The following TP53BP1 variants were observed in gnomAD, a reference collection of about 807,000 sequenced individuals.
TP53BP1 encodes TP53-binding protein 1.
In TP53BP1, 61 loss-of-function variants were observed where a neutral mutation model predicts 200.8. That is an observed-to-expected ratio of 0.30 (90% CI 0.25 to 0.38). TP53BP1 has a LOEUF of 0.38. Among genes scored for constraint, TP53BP1 ranks in the 10% least tolerant of loss-of-function variants. The pLI is 1.00. For synonymous variants in TP53BP1, 822 were observed against 844.3 expected, an observed-to-expected ratio of 0.97 and a Z score of 0.46; for missense variants, 2,144 against 2,371.9, an observed-to-expected ratio of 0.90 and a Z score of 2.00.
rs1371583973 is a variant in TP53BP1 at position 43,406,924 on chromosome 15, T to TTAAC, written c.*455_*458dup. The TTAAC allele has an allele frequency of 4.1e-5, 10 of 242,926 alleles. 1 individual carries two copies. Among genetic ancestry groups the TTAAC allele is most frequent in the Non-Finnish European group, 7.3e-5 (9 of 122,500 alleles). 15.0% of individuals were successfully genotyped at this position (242,926 alleles called of 1,614,324 possible). On this transcript the variant is annotated 3_prime_UTR_variant, in exon 28 of 28. Coordinates refer to ENST00000382044, the MANE Select transcript of TP53BP1 (RefSeq NM_001141980.3). Reference sequence around the variant, plus strand: ...TCAGAGAGAGAGCATGAGGTCTTTTTTAACTGTCAGGAAACAGAGCTGTGC... The same window carrying TTAAC: ...TCAGAGAGAGAGCATGAGGTCTTTTTTAACTAACTGTCAGGAAACAGAGCTGTGC...
chr15:43,448,613 C>T (rs926819403), intron 12 of TP53BP1, among the ~76,000 whole-genome samples: 4 of 151,454 alleles, frequency 2.6e-5, no homozygotes, highest in African/African-American at 9.7e-5. Context: ...GATCTCGGCT[C>T]ACTGCCAGCT....
intron 1 of TP53BP1, among the ~76,000 whole-genome samples, chr15:43,505,505 T>C (rs1240396876): frequency 6.6e-6 from 1 of 152,198 alleles, no homozygotes; most frequent in African/African-American, 2.4e-5. Flanking sequence ...TTTTCGCTTT[T>C]GGGAATCACT....
chr15:43,438,497 G>A, intron 15 of TP53BP1, 81 bp from the exon 16 acceptor site: 1 of 1,171,520 alleles, frequency 8.5e-7, no homozygotes, highest in African/African-American at 1.6e-5. Context: ...ATGCACAGAG[G>A]AAATAAAATG....
rs749575788 is a variant in TP53BP1, at chr15:43,447,488, G to GAAAAAAAAAAAAAAAA, written c.2717-19_2717-4dup. ...CAAAGTGAAATGAAATGGGGTTTCT[G>GAAAAAAAAAAAAAAAA]AAAAAAAAAAAAAAAAGAAAAAAGA... is the stretch of plus-strand genomic sequence containing the variant. On this transcript the variant is annotated splice_region_variant and splice_polypyrimidine_tract_variant and intron_variant, in intron 12 of 27. Coordinates refer to ENST00000382044, the MANE Select transcript of TP53BP1 (RefSeq NM_001141980.3). 15 of 956,454 alleles carry GAAAAAAAAAAAAAAAA rather than the reference G, an allele frequency of 1.6e-5. No individual in the cohort carries two copies. The highest frequency in any genetic ancestry group is 8.7e-5 in the South Asian group (3 of 34,508). 59.2% of individuals were successfully genotyped at this position (956,454 alleles called of 1,614,324 possible). A position where few individuals can be genotyped will look rare whatever the true frequency, so the allele number is the denominator to read the frequency against.
At position 43,432,622 on chromosome 15, in the gene TP53BP1, C is replaced by G; in HGVS notation, c.3247G>C (p.Glu1083Gln). The change falls in exon 17 of 28, where the codon GAG (glutamate) becomes CAG (glutamine). Residue 1083 changes from glutamate (E) to glutamine (Q), a missense_variant. Glu to Gln is a conservative substitution (Grantham distance 29, BLOSUM62 2). Transcript: ENST00000382044. ...SQGEEEKEKL[E>Q]GDHTIRQSQQ... ...CTCTGCCTGATTGTATGGTCACCCTCCAATTTTTCTTTCTCCTCTTCTCCT... is the reference window on the plus strand; with the variant it reads ...CTCTGCCTGATTGTATGGTCACCCTGCAATTTTTCTTTCTCCTCTTCTCCT... 1 of 1,611,230 alleles carries G rather than the reference C, an allele frequency of 6.2e-7. No individual in the cohort carries two copies. Among genetic ancestry groups the G allele is most frequent in the Non-Finnish European group, 8.5e-7 (1 of 1,177,796 alleles).
Position 43,480,884 on chromosome 15 carries a change from C to A in TP53BP1, c.499+11G>T. 6.2e-7 allele frequency: 1 copy of A among 1,613,908 alleles called. No homozygotes were observed. Among genetic ancestry groups the A allele is most frequent in the Non-Finnish European group, 8.5e-7 (1 of 1,179,896 alleles). On this transcript the variant is annotated intron_variant, in intron 5 of 27. Transcript: ENST00000382044. ...GAACAGTCTATTATTCTGAAAAAAGCACAAGGCTACCTTCAGCACCAAGGG... is the reference window on the plus strand; with the variant it reads ...GAACAGTCTATTATTCTGAAAAAAGAACAAGGCTACCTTCAGCACCAAGGG...
At chr15:43,412,074 G>A (rs1242658741) in intron 24 of TP53BP1, among the ~76,000 whole-genome samples, 1 of 152,060 alleles carries the variant, frequency 6.6e-6, no homozygotes, top group Non-Finnish European at 1.5e-5. Context: ...GACAAGCTAG[G>A]TGTTGCAAAC....
At chr15:43,500,346 T>C (rs2079203193) in intron 1 of TP53BP1, among the ~76,000 whole-genome samples, 1 of 152,320 alleles carries the variant, frequency 6.6e-6, no homozygotes, top group East Asian at 1.9e-4. Flanking sequence ...TATGTACTTA[T>C]ATAATACACC....
In TP53BP1 at chr15:43,405,171, CACTT is replaced by C. The variant is rs1566906447; in HGVS notation, c.*2208_*2211del. 1.5e-5 allele frequency: 25 copies of C among 1,613,768 alleles called. No individual in the cohort carries two copies. Among genetic ancestry groups the C allele is most frequent in the Non-Finnish European group, 1.9e-5 (23 of 1,179,732 alleles). ...TGAAGGTAGTCTTGGGAAAGCATGA[CACTT>C]AATAAGGCTCTTTTTCTCTTTTGTA... is the stretch of plus-strand genomic sequence containing the variant. On this transcript the variant is annotated 3_prime_UTR_variant, in exon 28 of 28. Transcript: ENST00000382044.
intron 14 of TP53BP1, among the ~76,000 whole-genome samples, chr15:43,444,960 A>C (rs2046008472): frequency 6.6e-6 from 1 of 152,050 alleles, no homozygotes; most frequent in Non-Finnish European, 1.5e-5. Context: ...CTTGGTGATG[A>C]CCTTGAGCAG....
At chr15:43,407,808 A>AGGT in intron 27 of TP53BP1, 135 bp downstream of exon 27, 1 of 940,628 alleles carries the variant, frequency 1.1e-6, no homozygotes, top group East Asian at 2.4e-5. Context: ...CACCTCTTGA[A>AGGT]GGTGGTACTT....
rs904725637 is a variant in TP53BP1 at position 43,479,332 on chromosome 15, G to A, written c.788+65C>T. ...CAATTTCTAAAAATGTTTTCATCTG[G>A]TAAAATGACATTAGTATAACCCTAC... On this transcript the variant is annotated intron_variant, in intron 7 of 27. Transcript: ENST00000382044. 2.6e-5 allele frequency: 37 copies of A among 1,439,180 alleles called. No homozygotes were observed. In the African/African-American group the frequency reaches 5.2e-4, roughly 20 times the overall value. The allele number at this position is 1,439,180 out of a possible 1,614,324, so 89.2% of individuals were successfully genotyped here. A position where few individuals can be genotyped will look rare whatever the true frequency, so the allele number is the denominator to read the frequency against.
At chr15:43,422,754 G>A (rs2045434212) in intron 18 of TP53BP1, among the ~76,000 whole-genome samples, 1 of 152,166 alleles carries the variant, frequency 6.6e-6, no homozygotes, top group Non-Finnish European at 1.5e-5. Context: ...AGCACTTTGG[G>A]AGGCCAAGGC....
Position 43,488,193 on chromosome 15 carries a change from C to T in TP53BP1, c.371+3476G>A, listed in dbSNP as rs148299277. 6.0e-5 allele frequency among the ~76,000 whole-genome samples: 9 copies of T among 150,994 alleles called. No individual in the cohort carries two copies. In the East Asian group the frequency reaches 1.2e-3, roughly 20 times the overall value. On this transcript the variant is annotated intron_variant, in intron 4 of 27. Coordinates refer to ENST00000382044, the MANE Select transcript of TP53BP1 (RefSeq NM_001141980.3). Reference sequence around the variant, plus strand: ...ATGTGCCTGTCGTCTCAGCTACTTGCGAGGCTGAGATGGGAGGATTGCTTG... The same window carrying T: ...ATGTGCCTGTCGTCTCAGCTACTTGTGAGGCTGAGATGGGAGGATTGCTTG...
At chr15:43,491,123 C>A (rs1342494941) in intron 4 of TP53BP1, among the ~76,000 whole-genome samples, 1 of 151,182 alleles carries the variant, frequency 6.6e-6, no homozygotes, top group Non-Finnish European at 1.5e-5. Flanking sequence ...GTCACTCAGG[C>A]TAGATAAAGT....
intron 18 of TP53BP1, among the ~76,000 whole-genome samples, 183 bp downstream of exon 18, chr15:43,427,833 T>A (rs2045579245): frequency 6.6e-6 from 1 of 151,914 alleles, no homozygotes; most frequent in Non-Finnish European, 1.5e-5. Context: ...GGTTCATGCC[T>A]GTAGAACCAA....
At chr15:43,473,590 C>T (rs2046779832) in intron 10 of TP53BP1, among the ~76,000 whole-genome samples, 1 of 151,944 alleles carries the variant, frequency 6.6e-6, no homozygotes, top group African/African-American at 2.4e-5. Flanking sequence ...ATTTACAATC[C>T]CTGAGCTAGA....
intron 12 of TP53BP1, among the ~76,000 whole-genome samples, chr15:43,450,299 TTTTCTTC>T (rs1399663349): frequency 6.6e-6 from 1 of 152,216 alleles, no homozygotes; most frequent in African/African-American, 2.4e-5. Context: ...TTAAACCCAT[TTTTCTTC>T]TTTGTTCTTA....
chr15:43,427,154 G>A (rs1448491264), intron 18 of TP53BP1, among the ~76,000 whole-genome samples: 2 of 151,980 alleles, frequency 1.3e-5, no homozygotes, highest in African/African-American at 2.4e-5. Context: ...ATTATTAGAT[G>A]TAAACAAAGT....
Sources: allele counts gnomAD v4.1 joint callset (sites outside exome capture counted in the v4.1 genomes callset), GRCh38; gene constraint gnomAD v4.1.1; transcripts MANE v1.5; gene names NCBI Gene and HGNC (gene_info 2026-07-23, HGNC 2026-07-21).